The following NXPH1 variants were observed in gnomAD, a reference collection of about 807,000 sequenced individuals.
NXPH1 encodes neurexophilin-1.
NXPH1 carries 5 observed loss-of-function variants against 23.7 expected under a neutral mutation model. The observed-to-expected ratio is 0.21, with a 90% CI of 0.11 to 0.44. NXPH1 has a LOEUF of 0.44. Ranked by LOEUF, NXPH1 falls within the 20% of genes least tolerant of loss-of-function variation. NXPH1 has a pLI of 0.99. For missense variants in NXPH1, 324 were observed against 321.6 expected, an observed-to-expected ratio of 1.01 and a Z score of -0.06; for synonymous variants, 144 against 122.2, an observed-to-expected ratio of 1.18 and a Z score of -1.18.
rs909827560 is a variant in NXPH1 at position 8,632,119 on chromosome 7, TA to T, written c.55-118887del. Among the ~76,000 whole-genome samples, 19 of 151,922 alleles carry T rather than the reference TA, an allele frequency of 1.3e-4. 1 individual carries two copies. The East Asian group carries it at 2.7e-3, about 22-fold the overall frequency. ...GGGAGCGTCCATCAGATGGCTGTGG[TA>T]ACTTGAAAATTGCCATATACTTCCT... On this transcript the variant is annotated intron_variant, in intron 2 of 2. Coordinates refer to ENST00000405863, the MANE Select transcript of NXPH1 (RefSeq NM_152745.3).
chr7:8,683,730 A>T (rs923470869), intron 2 of NXPH1, among the ~76,000 whole-genome samples: 3 of 152,008 alleles, frequency 2.0e-5, no homozygotes, highest in Non-Finnish European at 4.4e-5. Flanking sequence ...CACCAACATA[A>T]TTTTTTTTGT....
chr7:8,671,225 G>A (rs918647029), intron 2 of NXPH1, among the ~76,000 whole-genome samples: 6 of 152,088 alleles, frequency 3.9e-5, no homozygotes, highest in Non-Finnish European at 5.9e-5. Context: ...AGAAAAAAAT[G>A]GTAATGTTAT....
intron 2 of NXPH1, among the ~76,000 whole-genome samples, chr7:8,703,552 ATT>A: frequency 6.6e-6 from 1 of 151,346 alleles, no homozygotes; most frequent in East Asian, 1.9e-4. Flanking sequence ...AGCAGTACTG[ATT>A]TTTTTTTGCT....
intron 2 of NXPH1, among the ~76,000 whole-genome samples, chr7:8,696,206 C>G (rs919360580): frequency 2.0e-5 from 3 of 152,160 alleles, no homozygotes; most frequent in African/African-American, 7.2e-5. Context: ...CACACATAGT[C>G]TAGTTTGAAA....
intron 2 of NXPH1, among the ~76,000 whole-genome samples, chr7:8,739,831 T>C (rs924963480): frequency 3.9e-5 from 6 of 152,212 alleles, no homozygotes; most frequent in Non-Finnish European, 4.4e-5. Flanking sequence ...TTTTAAACAT[T>C]TTTAAAAATG....
At chr7:8,477,017 T>C (rs866894870) in intron 2 of NXPH1, among the ~76,000 whole-genome samples, 7 of 152,206 alleles carry the variant, frequency 4.6e-5, no homozygotes, top group Non-Finnish European at 1.5e-5. Flanking sequence ...AGTACAAATA[T>C]GTTCACGTTT....
At chr7:8,630,609 G>A (rs1215910071) in intron 2 of NXPH1, among the ~76,000 whole-genome samples, 1 of 152,148 alleles carries the variant, frequency 6.6e-6, no homozygotes, top group Non-Finnish European at 1.5e-5. Context: ...ACGAGGAAAA[G>A]AAACATGCCC....
chr7:8,552,049 T>A (rs1282571099), intron 2 of NXPH1, among the ~76,000 whole-genome samples: 1 of 145,542 alleles, frequency 6.9e-6, no homozygotes, highest in African/African-American at 2.6e-5. Context: ...TTAATGTGAA[T>A]CTTCCCAAGT....
intron 2 of NXPH1, among the ~76,000 whole-genome samples, chr7:8,535,388 A>G (rs1584217756): frequency 6.6e-6 from 1 of 152,222 alleles, no homozygotes; most frequent in East Asian, 1.9e-4. Flanking sequence ...TAAGCCCTTG[A>G]TGATGTACTT....
At chr7:8,619,589 C>T (rs1160259877) in intron 2 of NXPH1, among the ~76,000 whole-genome samples, 3 of 152,206 alleles carry the variant, frequency 2.0e-5, no homozygotes, top group African/African-American at 7.2e-5. Flanking sequence ...CATTGAGCAA[C>T]CTCACTGACT....
intron 2 of NXPH1, among the ~76,000 whole-genome samples, chr7:8,528,543 G>A (rs1817901150): frequency 6.6e-6 from 1 of 152,198 alleles, no homozygotes; most frequent in Non-Finnish European, 1.5e-5. Flanking sequence ...CTTGTTTTAA[G>A]AGTCTTTATC....
At chr7:8,478,032 C>T (rs1817006730) in intron 2 of NXPH1, among the ~76,000 whole-genome samples, 1 of 152,014 alleles carries the variant, frequency 6.6e-6, no homozygotes, top group Admixed American at 6.6e-5. Flanking sequence ...AGTAGGTGCT[C>T]TTTGGATATT....
At chr7:8,527,483 C>T (rs900334711) in intron 2 of NXPH1, among the ~76,000 whole-genome samples, 4 of 152,106 alleles carry the variant, frequency 2.6e-5, no homozygotes, top group African/African-American at 9.7e-5. Context: ...TAAAAAATGA[C>T]AGCATTATGG....
At chr7:8,538,128 TA>T (rs1414281969) in intron 2 of NXPH1, among the ~76,000 whole-genome samples, 1 of 151,900 alleles carries the variant, frequency 6.6e-6, no homozygotes, top group Non-Finnish European at 1.5e-5. Context: ...TAAAATTAGA[TA>T]AAACATATAA....
chr7:8,485,072 C>G (rs1398910220), intron 2 of NXPH1, among the ~76,000 whole-genome samples: 2 of 152,258 alleles, frequency 1.3e-5, no homozygotes, highest in African/African-American at 2.4e-5. Flanking sequence ...TATGCCTCTT[C>G]TAACGTAAGA....
chr7:8,520,274 G>T (rs1383838139), intron 2 of NXPH1, among the ~76,000 whole-genome samples: 1 of 152,132 alleles, frequency 6.6e-6, no homozygotes, highest in South Asian at 2.1e-4. Flanking sequence ...GCAAGTCACT[G>T]TCTGACTTTT....
chr7:8,631,993 G>A (rs1820139353), intron 2 of NXPH1, among the ~76,000 whole-genome samples: 1 of 152,088 alleles, frequency 6.6e-6, no homozygotes, highest in South Asian at 2.1e-4. Context: ...TTCATGTGTA[G>A]GTTATAGGGT....
chr7:8,699,822 A>G (rs1779593249), intron 2 of NXPH1, among the ~76,000 whole-genome samples: 1 of 152,046 alleles, frequency 6.6e-6, no homozygotes, highest in South Asian at 2.1e-4. Context: ...GGATTTCTTA[A>G]TCTTCATGTT....
chr7:8,614,371 C>A (rs1819687089), intron 2 of NXPH1, among the ~76,000 whole-genome samples: 2 of 151,834 alleles, frequency 1.3e-5, no homozygotes, highest in South Asian at 4.1e-4. Context: ...AGTTTACATT[C>A]CTACTGGCTG....
Sources: allele counts gnomAD v4.1 joint callset (sites outside exome capture counted in the v4.1 genomes callset), GRCh38; gene constraint gnomAD v4.1.1; transcripts MANE v1.5; gene names NCBI Gene and HGNC (gene_info 2026-07-23, HGNC 2026-07-21).